FRMD4A: variants seen among roughly 807,000 people sequenced by gnomAD.
The protein encoded by FRMD4A is FERM domain containing 4A, also known as FERM domain-containing protein 4A.
A neutral mutation model predicts 129.1 loss-of-function variants in FRMD4A; 29 were observed. The observed-to-expected ratio is 0.22, with a 90% CI of 0.17 to 0.31. The LOEUF is 0.31. Among genes scored for constraint, FRMD4A ranks in the 10% least tolerant of loss-of-function variants. The pLI is 1.00. For missense variants in FRMD4A, 1,272 were observed against 1,375.8 expected (o/e 0.92, Z 1.19); for synonymous variants, 634 against 571.6 (o/e 1.11, Z -1.56).
chr10:13,940,980 A>G (rs2095287278), intron 2 of FRMD4A, among the ~76,000 whole-genome samples: 1 of 152,210 alleles, frequency 6.6e-6, no homozygotes, highest in Admixed American at 6.5e-5. Flanking sequence ...GCAGGATGGG[A>G]AGATTCTAAT....
chr10:13,981,546 C>T (rs1201399432), intron 2 of FRMD4A, among the ~76,000 whole-genome samples: 1 of 151,924 alleles, frequency 6.6e-6, no homozygotes, highest in African/African-American at 2.4e-5. Flanking sequence ...CAAGACCAGC[C>T]TGGCCAACGT....
At chr10:14,163,083 G>C (rs1256432633) in intron 2 of FRMD4A, among the ~76,000 whole-genome samples, 1 of 152,040 alleles carries the variant, frequency 6.6e-6, no homozygotes, top group Non-Finnish European at 1.5e-5. Flanking sequence ...TGTAATGTGG[G>C]GGTTATTTGA....
chr10:14,311,767 C>T (rs1351858616), intron 2 of FRMD4A, among the ~76,000 whole-genome samples: 1 of 152,086 alleles, frequency 6.6e-6, no homozygotes, highest in East Asian at 1.9e-4. Context: ...CCTGACGACT[C>T]CTATGCAAAG....
intron 18 of FRMD4A, among the ~76,000 whole-genome samples, chr10:13,664,687 AC>A (rs1231614308): frequency 7.0e-6 from 1 of 141,850 alleles, no homozygotes; most frequent in African/African-American, 2.7e-5. Context: ...ATATAACATC[AC>A]ATTTACCATG....
chr10:14,022,162 TTAAC>T (rs1248643097), intron 2 of FRMD4A, among the ~76,000 whole-genome samples: 1 of 152,146 alleles, frequency 6.6e-6, no homozygotes, highest in Non-Finnish European at 1.5e-5. Flanking sequence ...AATGAGAGAA[TTAAC>T]TAAGTGAGGT....
At chr10:13,978,894 T>G (rs1303516112) in intron 2 of FRMD4A, among the ~76,000 whole-genome samples, 1 of 152,122 alleles carries the variant, frequency 6.6e-6, no homozygotes, top group Non-Finnish European at 1.5e-5. Context: ...GAGCTATGCT[T>G]AGAAATATTC....
chr10:13,884,154 T>TCACACA (rs1564970810), intron 2 of FRMD4A, among the ~76,000 whole-genome samples: 11 of 111,224 alleles, frequency 9.9e-5, no homozygotes, highest in African/African-American at 3.9e-4. Context: ...TCTCACACAC[T>TCACACA]CTCACACACA....
rs150528233 is a variant in FRMD4A at position 13,723,789 on chromosome 10, A to G, written c.759+14055T>C. Among the ~76,000 whole-genome samples, 689 of 152,342 alleles carry G rather than the reference A, an allele frequency of 4.5e-3. 5 individuals are homozygous for G. The highest frequency in any genetic ancestry group is 0.01 in the Middle Eastern group (3 of 294). On this transcript the variant is annotated intron_variant, in intron 12 of 24. Coordinates refer to ENST00000357447, the MANE Select transcript of FRMD4A (RefSeq NM_018027.5). ...GTAGAAGATGTACTCTTCTCCTTCAACCTGGAAAGAGAGGGTTCATTAGGG... is the reference window on the plus strand; with the variant it reads ...GTAGAAGATGTACTCTTCTCCTTCAGCCTGGAAAGAGAGGGTTCATTAGGG...
intron 5 of FRMD4A, among the ~76,000 whole-genome samples, chr10:13,789,769 A>ATGTGTGTG (rs57602565): frequency 0.087 from 11,256 of 129,992 alleles, 635 homozygotes; most frequent in African/African-American, 0.14. Context: ...GCTGCTTATA[A>ATGTGTGTG]TGTGTGTGTG....
At position 13,849,482 on chromosome 10, in the gene FRMD4A, A is replaced by AT. The variant is rs143466300; in HGVS notation, c.111+9364dup. Among the ~76,000 whole-genome samples, 718 of 141,812 alleles carry AT rather than the reference A, an allele frequency of 5.1e-3. 3 individuals carry two copies. The highest frequency in any genetic ancestry group is 9.8e-3 in the African/African-American group (378 of 38,416). The allele number at this position is 141,812 out of a possible 152,430, so 93.0% of individuals were successfully genotyped here. Reference sequence around the variant, plus strand: ...TACTTGGTAGAAAACAATCTCCTGCATTTTTTTTTTTTTTTTGATACGGAG... The same window carrying AT: ...TACTTGGTAGAAAACAATCTCCTGCATTTTTTTTTTTTTTTTTGATACGGAG... On this transcript the variant is annotated intron_variant, in intron 3 of 24. Transcript: ENST00000357447.
chr10:13,714,039 T>TATATTTTATATACATATATATAAA (rs2088479716), intron 12 of FRMD4A, among the ~76,000 whole-genome samples: 1 of 2,428 alleles, frequency 4.1e-4, no homozygotes, highest in African/African-American at 1.3e-3. Context: ...TATATATATA[T>TATATTTTATATACATATATATAAA]ATATATATAT....
At chr10:14,029,810 G>GA (rs11310080) in intron 2 of FRMD4A, among the ~76,000 whole-genome samples, 3 of 147,848 alleles carry the variant, frequency 2.0e-5, no homozygotes, top group Middle Eastern at 3.5e-3. Flanking sequence ...CAGTTTACAT[G>GA]AAAAAAAAAA....
At chr10:14,024,250 T>G (rs1258468598) in intron 2 of FRMD4A, among the ~76,000 whole-genome samples, 1 of 152,222 alleles carries the variant, frequency 6.6e-6, no homozygotes, top group African/African-American at 2.4e-5. Context: ...AACTGCACAG[T>G]TGCAGATCAG....
At chr10:13,952,870 AT>A (rs2095382760) in intron 2 of FRMD4A, among the ~76,000 whole-genome samples, 1 of 151,260 alleles carries the variant, frequency 6.6e-6, no homozygotes, top group Non-Finnish European at 1.5e-5. Context: ...TTTTTTTCGT[AT>A]TTTTAGTAGA....
At chr10:14,016,127 T>C (rs549379567) in intron 2 of FRMD4A, among the ~76,000 whole-genome samples, 29 of 152,374 alleles carry the variant, frequency 1.9e-4, no homozygotes, top group African/African-American at 6.5e-4. Flanking sequence ...GCCCTGAGTC[T>C]GCATGTGAAA....
At chr10:13,663,079 A>G (rs978394707) in intron 19 of FRMD4A, among the ~76,000 whole-genome samples, 9 of 152,002 alleles carry the variant, frequency 5.9e-5, no homozygotes, top group African/African-American at 2.2e-4. Flanking sequence ...AGTCCCAGCT[A>G]CTAGGGAGGC....
intron 2 of FRMD4A, among the ~76,000 whole-genome samples, chr10:13,876,207 T>C (rs1426522256): frequency 6.6e-6 from 1 of 152,212 alleles, no homozygotes; most frequent in Non-Finnish European, 1.5e-5. Context: ...GTATAAGGCA[T>C]GGATATATAG....
chr10:13,825,697 G>A (rs1196012149), intron 3 of FRMD4A, among the ~76,000 whole-genome samples: 1 of 152,168 alleles, frequency 6.6e-6, no homozygotes, highest in East Asian at 1.9e-4. Context: ...TCCTGGGCAG[G>A]GTGGAGCAGG....
intron 2 of FRMD4A, among the ~76,000 whole-genome samples, chr10:14,193,201 C>T (rs962988755): frequency 2.6e-5 from 4 of 152,150 alleles, no homozygotes; most frequent in Non-Finnish European, 4.4e-5. Flanking sequence ...AACCAATGAA[C>T]AGTACTTTAC....
Sources: gnomAD v4.1 joint callset for allele counts (sites outside exome capture counted in the v4.1 genomes callset) on GRCh38, gnomAD v4.1.1 for gene constraint, MANE v1.5 for transcripts, NCBI Gene and HGNC (gene_info 2026-07-23, HGNC 2026-07-21) for gene names.